The following CDK5RAP2 variants were observed in gnomAD, a reference collection of about 807,000 sequenced individuals.
CDK5RAP2 encodes the protein CDK5 regulatory subunit associated protein 2.
In CDK5RAP2, 147 loss-of-function variants were observed where a neutral mutation model predicts 232.9. That is an observed-to-expected ratio of 0.63 (90% CI 0.55 to 0.72). The LOEUF (loss-of-function observed/expected upper bound fraction) is 0.72. CDK5RAP2 is among the 30% of genes least tolerant of loss of function. The pLI is 0.00. For missense variants in CDK5RAP2, 2,195 were observed against 2,231.5 expected (o/e 0.98, Z 0.33); for synonymous variants, 833 against 833.7 (o/e 1.00, Z 0.01).
chr9:120,491,524 A>C (rs1036508469), intron 12 of CDK5RAP2, 47 bp from the exon 13 acceptor site: 4 of 1,380,426 alleles, frequency 2.9e-6, no homozygotes, highest in African/African-American at 2.8e-5. Context: ...CAAAAATTTC[A>C]ATCTCTTATG....
At chr9:120,458,216 G>C (rs1171943949) in intron 20 of CDK5RAP2, among the ~76,000 whole-genome samples, 1 of 152,212 alleles carries the variant, frequency 6.6e-6, no homozygotes, top group Non-Finnish European at 1.5e-5. Context: ...CCCAAAGAAA[G>C]CTTTCTTTCT....
chr9:120,502,590 C>T (rs1451384035), intron 12 of CDK5RAP2, among the ~76,000 whole-genome samples: 1 of 152,216 alleles, frequency 6.6e-6, no homozygotes, highest in Non-Finnish European at 1.5e-5. Context: ...CCACAAATCC[C>T]CTAACAGAGT....
intron 3 of CDK5RAP2, among the ~76,000 whole-genome samples, chr9:120,559,494 A>C (rs1347021282): frequency 6.7e-6 from 1 of 149,780 alleles, no homozygotes; most frequent in South Asian, 2.1e-4. Flanking sequence ...GTCTCAAAAA[A>C]AAAAAAAAAA....
intron 1 of CDK5RAP2, among the ~76,000 whole-genome samples, chr9:120,578,109 A>G (rs1317697494): frequency 6.6e-6 from 1 of 152,128 alleles, no homozygotes; most frequent in African/African-American, 2.4e-5. Context: ...CTCTACTAAA[A>G]TACAAAAATT....
chr9:120,484,598 C>T (rs887747583), intron 14 of CDK5RAP2, among the ~76,000 whole-genome samples: 1 of 152,028 alleles, frequency 6.6e-6, no homozygotes, highest in Non-Finnish European at 1.5e-5. Context: ...GTGGCACATG[C>T]GTAGAATCCT....
intron 20 of CDK5RAP2, among the ~76,000 whole-genome samples, chr9:120,457,864 C>T (rs1485571403): frequency 6.6e-6 from 1 of 152,170 alleles, no homozygotes; most frequent in African/African-American, 2.4e-5. Context: ...AAAACCACAG[C>T]TCTTTTTGGT....
chr9:120,524,799 G>C (rs887133639), intron 11 of CDK5RAP2, among the ~76,000 whole-genome samples, 187 bp downstream of exon 11: 1 of 152,128 alleles, frequency 6.6e-6, no homozygotes, highest in African/African-American at 2.4e-5. Flanking sequence ...TCATATTGAG[G>C]AGGGGGCTGG....
intron 32 of CDK5RAP2, chr9:120,406,256 T>C (rs1316352324): frequency 6.6e-6 from 1 of 152,218 alleles, no homozygotes; most frequent in Non-Finnish European, 1.5e-5. Context: ...ATTTACCCTA[T>C]GGGTGTCAGG....
At chr9:120,565,078 T>C (rs759047089) in intron 3 of CDK5RAP2, among the ~76,000 whole-genome samples, 1 of 152,164 alleles carries the variant, frequency 6.6e-6, no homozygotes, top group Non-Finnish European at 1.5e-5. Flanking sequence ...AAAGAAGACA[T>C]GTGGTTTTCA....
chr9:120,572,136 C>A, intron 1 of CDK5RAP2, 95 bp from the exon 2 acceptor site: 1 of 974,358 alleles, frequency 1.0e-6, no homozygotes, highest in Non-Finnish European at 1.6e-6. Context: ...CATCCCATGG[C>A]CAGGAGGGAT....
chr9:120,493,640 T>C (rs1191576133), intron 12 of CDK5RAP2, among the ~76,000 whole-genome samples: 1 of 152,204 alleles, frequency 6.6e-6, no homozygotes, highest in Non-Finnish European at 1.5e-5. Flanking sequence ...CTTTAGATGG[T>C]AGTTAGACTG....
chr9:120,528,012 G>A, intron 9 of CDK5RAP2, 87 bp from the exon 10 acceptor site: 1 of 1,504,378 alleles, frequency 6.6e-7, no homozygotes, highest in Non-Finnish European at 9.2e-7. Context: ...ACACTCAAAT[G>A]CAGTTATTCT....
At chr9:120,402,545 A>G (rs931519478) in intron 34 of CDK5RAP2, among the ~76,000 whole-genome samples, 2 of 152,206 alleles carry the variant, frequency 1.3e-5, no homozygotes, top group Admixed American at 1.3e-4. Context: ...ATGAGAGACC[A>G]GATGTACAGA....
chr9:120,494,294 C>T (rs2039050920), intron 12 of CDK5RAP2, among the ~76,000 whole-genome samples: 2 of 152,120 alleles, frequency 1.3e-5, no homozygotes, highest in African/African-American at 4.8e-5. Flanking sequence ...ATGAGGATAC[C>T]TATCATTCAC....
intron 26 of CDK5RAP2, among the ~76,000 whole-genome samples, chr9:120,420,691 T>C (rs2034514577): frequency 6.6e-6 from 1 of 152,202 alleles, no homozygotes. Context: ...CTATTACTTC[T>C]TGTCAACAGC....
At chr9:120,418,681 A>G (rs1372042661) in intron 27 of CDK5RAP2, among the ~76,000 whole-genome samples, 1 of 152,220 alleles carries the variant, frequency 6.6e-6, no homozygotes, top group Non-Finnish European at 1.5e-5. Context: ...CTGCAAAGAG[A>G]TACAGCCAGA....
At chr9:120,560,069 C>T (rs2042407481) in intron 3 of CDK5RAP2, among the ~76,000 whole-genome samples, 1 of 152,226 alleles carries the variant, frequency 6.6e-6, no homozygotes, top group Non-Finnish European at 1.5e-5. Context: ...GCCTCCAAAG[C>T]TGAGGCTCAC....
chr9:120,451,973 T>C (rs975429125), intron 21 of CDK5RAP2, among the ~76,000 whole-genome samples: 2 of 151,002 alleles, frequency 1.3e-5, no homozygotes, highest in Admixed American at 6.6e-5. Context: ...TTTGAAGACA[T>C]AGCAAGAGGA....
chr9:120,571,303 T>A (rs533209072), intron 2 of CDK5RAP2, among the ~76,000 whole-genome samples: 7 of 152,198 alleles, frequency 4.6e-5, no homozygotes, highest in African/African-American at 1.7e-4. Context: ...CTTGCACATA[T>A]CTCAGCACTG....
Sources: gnomAD v4.1 joint callset for allele counts (sites outside exome capture counted in the v4.1 genomes callset) on GRCh38, gnomAD v4.1.1 for gene constraint, MANE v1.5 for transcripts, NCBI Gene and HGNC (gene_info 2026-07-23, HGNC 2026-07-21) for gene names.